MKLN1: variants seen among roughly 807,000 people sequenced by gnomAD.
The protein encoded by MKLN1 is muskelin.
A neutral mutation model predicts 99.0 loss-of-function variants in MKLN1; 18 were observed. The observed-to-expected ratio is 0.18, with a 90% CI of 0.13 to 0.27. The LOEUF is 0.27. MKLN1 is among the 10% of genes least tolerant of loss of function. The pLI is 1.00. For missense variants in MKLN1, 621 were observed against 875.9 expected, an observed-to-expected ratio of 0.71 and a Z score of 3.67; for synonymous variants, 288 against 293.2, an observed-to-expected ratio of 0.98 and a Z score of 0.18.
At chr7:131,177,290 A>AC (rs1796312648) in intron 2 of MKLN1, among the ~76,000 whole-genome samples, 1 of 151,848 alleles carries the variant, frequency 6.6e-6, no homozygotes, top group Admixed American at 6.6e-5. Flanking sequence ...CAATAGTGAA[A>AC]CCCCGTCTCT....
intron 6 of MKLN1, among the ~76,000 whole-genome samples, chr7:131,410,071 C>T (rs1794831301): frequency 6.6e-6 from 1 of 152,104 alleles, no homozygotes; most frequent in Admixed American, 6.6e-5. Context: ...GGGTTCCATA[C>T]TGTTCTTAAA....
chr7:131,197,776 G>A (rs919454910), intron 2 of MKLN1, among the ~76,000 whole-genome samples: 16 of 150,190 alleles, frequency 1.1e-4, no homozygotes, highest in Admixed American at 1.3e-4. Context: ...TAACCACAAT[G>A]CCAAAAAAGA....
At chr7:131,192,642 A>G (rs1357388466) in intron 2 of MKLN1, among the ~76,000 whole-genome samples, 1 of 151,368 alleles carries the variant, frequency 6.6e-6, no homozygotes, top group African/African-American at 2.4e-5. Flanking sequence ...CCAGGTTTCA[A>G]ACAATTCTCC....
At chr7:131,313,075 G>C (rs1429346247) in intron 3 of MKLN1, among the ~76,000 whole-genome samples, 5 of 152,162 alleles carry the variant, frequency 3.3e-5, no homozygotes, top group African/African-American at 9.7e-5. Flanking sequence ...AAGACATTTA[G>C]CAGAGACAGT....
At chr7:131,194,369 G>A (rs1385730373) in intron 2 of MKLN1, among the ~76,000 whole-genome samples, 5 of 152,156 alleles carry the variant, frequency 3.3e-5, no homozygotes, top group Admixed American at 3.3e-4. Context: ...CCTATGAATG[G>A]ACTCAAATGG....
intron 3 of MKLN1, among the ~76,000 whole-genome samples, chr7:131,321,736 C>T (rs1033757311): frequency 2.0e-5 from 3 of 152,092 alleles, no homozygotes; most frequent in Non-Finnish European, 4.4e-5. Context: ...ACCAATAAGC[C>T]TTTATCAAGG....
At chr7:131,160,641 C>G (rs2116311369) in intron 2 of MKLN1, among the ~76,000 whole-genome samples, 1 of 150,316 alleles carries the variant, frequency 6.7e-6, no homozygotes, top group African/African-American at 2.4e-5. Context: ...ACCTCAGCCT[C>G]CTGAGTAGCT....
At chr7:131,345,878 T>C (rs1266697817) in intron 1 of MKLN1, among the ~76,000 whole-genome samples, 1 of 152,184 alleles carries the variant, frequency 6.6e-6, no homozygotes, top group Non-Finnish European at 1.5e-5. Flanking sequence ...TCTGTCAAAG[T>C]TTTTAATATA....
intron 2 of MKLN1, among the ~76,000 whole-genome samples, chr7:131,195,710 TG>T (rs1487029009): frequency 6.6e-6 from 1 of 151,974 alleles, no homozygotes; most frequent in Admixed American, 6.6e-5. Flanking sequence ...CCCAGCACTC[TG>T]GGAGCCTGAG....
chr7:131,440,412 A>C (rs1431014821), intron 10 of MKLN1, among the ~76,000 whole-genome samples: 3 of 152,212 alleles, frequency 2.0e-5, no homozygotes, highest in Non-Finnish European at 2.9e-5. Flanking sequence ...TTGAGCGAGA[A>C]CATCCACCTT....
intron 2 of MKLN1, among the ~76,000 whole-genome samples, chr7:131,377,419 A>G (rs1311653619): frequency 6.6e-6 from 1 of 151,888 alleles, no homozygotes; most frequent in Non-Finnish European, 1.5e-5. Context: ...GCTTTTTCCT[A>G]TTTACATTAA....
At chr7:131,380,686 A>C (rs921286514) in intron 2 of MKLN1, among the ~76,000 whole-genome samples, 4 of 152,166 alleles carry the variant, frequency 2.6e-5, no homozygotes, top group African/African-American at 9.7e-5. Flanking sequence ...ACTTAAGAGG[A>C]TACTCATGCT....
chr7:131,379,664 G>GTA (rs1354954705), intron 2 of MKLN1, among the ~76,000 whole-genome samples: 3 of 152,174 alleles, frequency 2.0e-5, no homozygotes, highest in Non-Finnish European at 4.4e-5. Context: ...TAGGCTGACT[G>GTA]TAGTCAATAA....
At chr7:131,151,470 C>G (rs569697102) in intron 2 of MKLN1, among the ~76,000 whole-genome samples, 10 of 152,302 alleles carry the variant, frequency 6.6e-5, no homozygotes, top group African/African-American at 2.4e-4. Context: ...TAAGATTATC[C>G]TATTACACCA....
chr7:131,222,721 A>G (rs1312139080), intron 3 of MKLN1, among the ~76,000 whole-genome samples: 1 of 152,130 alleles, frequency 6.6e-6, no homozygotes, highest in Non-Finnish European at 1.5e-5. Context: ...TAAACATTTA[A>G]AAATACAATT....
intron 3 of MKLN1, among the ~76,000 whole-genome samples, chr7:131,305,976 G>A (rs925441473): frequency 3.3e-5 from 5 of 152,174 alleles, no homozygotes; most frequent in East Asian, 1.9e-4. Flanking sequence ...GTCAGGGAAA[G>A]GACCTGGTGG....
intron 12 of MKLN1, among the ~76,000 whole-genome samples, chr7:131,447,047 A>T (rs983712969): frequency 1.1e-4 from 17 of 152,230 alleles, no homozygotes; most frequent in Non-Finnish European, 1.6e-4. Flanking sequence ...AACTTTTTAT[A>T]AAAAAGGAGA....
chr7:131,394,287 A>G (rs947410720), intron 4 of MKLN1, among the ~76,000 whole-genome samples: 1 of 152,034 alleles, frequency 6.6e-6, no homozygotes, highest in African/African-American at 2.4e-5. Context: ...CTTCCTTTAT[A>G]TCAGTGGTCC....
chr7:131,344,194 C>T (rs1799488415), intron 1 of MKLN1, among the ~76,000 whole-genome samples: 1 of 151,900 alleles, frequency 6.6e-6, no homozygotes, highest in South Asian at 2.1e-4. Context: ...TTTTAAGTGC[C>T]TTTTCTTTGG....
Sources: allele counts gnomAD v4.1 joint callset (sites outside exome capture counted in the v4.1 genomes callset), GRCh38; gene constraint gnomAD v4.1.1; transcripts MANE v1.5; gene names NCBI Gene and HGNC (gene_info 2026-07-23, HGNC 2026-07-21).